The following IQCB1 variants were observed in gnomAD, a reference collection of about 807,000 sequenced individuals.
The protein encoded by IQCB1 is IQ motif containing B1, also known as IQ calmodulin-binding motif-containing protein 1.
Under a neutral mutation model 84.4 loss-of-function variants are expected in IQCB1, and 56 were observed. That is an observed-to-expected ratio of 0.66 (90% confidence interval 0.54 to 0.83). The LOEUF (loss-of-function observed/expected upper bound fraction) is 0.83, where lower values mean the gene tolerates loss of function less well. Ranked by LOEUF, IQCB1 falls within the 40% of genes least tolerant of loss-of-function variation. The probability of loss-of-function intolerance (pLI) is 0.00; values close to 1 mark genes in which losing one functional copy is unlikely to be tolerated. For missense variants in IQCB1, 629 were observed against 682.1 expected (o/e 0.92, Z 0.87); for synonymous variants, 210 against 234.8 (o/e 0.89, Z 0.96).
chr3:121,799,056 C>A, intron 8 of IQCB1, 140 bp downstream of exon 8: 2 of 581,032 alleles, frequency 3.4e-6, no homozygotes, highest in Non-Finnish European at 3.1e-6. Context: ...TTTTTTTTTT[C>A]TGAATTGGTA....
chr3:121,790,784 CA>C (rs544862103), intron 10 of IQCB1, among the ~76,000 whole-genome samples: 117 of 83,930 alleles, frequency 1.4e-3, no homozygotes, highest in South Asian at 2.0e-3. Context: ...TTTACTTACA[CA>C]AAAAAAAAAT....
At chr3:121,778,627 C>T (rs759267668) in intron 13 of IQCB1, among the ~76,000 whole-genome samples, 6 of 151,476 alleles carry the variant, frequency 4.0e-5, no homozygotes, top group African/African-American at 7.3e-5. Context: ...TATCTTTCGC[C>T]GGGGGTGGTG....
chr3:121,796,844 T>C (rs901191549), intron 9 of IQCB1, among the ~76,000 whole-genome samples: 1 of 152,086 alleles, frequency 6.6e-6, no homozygotes, highest in African/African-American at 2.4e-5. Context: ...GATACAATTT[T>C]GTAACATTAT....
At chr3:121,829,323 A>G (rs1208327029) in intron 2 of IQCB1, among the ~76,000 whole-genome samples, 1 of 152,248 alleles carries the variant, frequency 6.6e-6, no homozygotes, top group Non-Finnish European at 1.5e-5. Context: ...AAGAACTGCA[A>G]AAAAGAGCTA....
At position 121,807,292 on chromosome 3, in the gene IQCB1, G is replaced by A. The variant is rs149346382; in HGVS notation, c.587+52C>T. On this transcript the variant is annotated intron_variant, in intron 7 of 14. Coordinates refer to ENST00000310864, the MANE Select transcript of IQCB1 (RefSeq NM_001023570.4). ...TTTTAGCAAAATTGGAATAAAATTG[G>A]TAATGCTTCTGATAAAAAAAAAGCA... 1.3e-5 allele frequency: 11 copies of A among 853,878 alleles called. No homozygotes were observed. The East Asian group carries it at 1.5e-4, about 12-fold the overall frequency. The allele number at this position is 853,878 out of a possible 1,614,324, so 52.9% of individuals were successfully genotyped here. A position where few individuals can be genotyped will look rare whatever the true frequency, so the allele number is the denominator to read the frequency against.
intron 6 of IQCB1, 94 bp from the exon 7 acceptor site, chr3:121,807,537 C>A: frequency 2.9e-6 from 2 of 693,710 alleles, no homozygotes; most frequent in East Asian, 2.7e-5. Flanking sequence ...AAAGCATGAC[C>A]ATCTCTGCTA....
chr3:121,823,877 T>C (rs1443297769), intron 5 of IQCB1, among the ~76,000 whole-genome samples: 1 of 152,212 alleles, frequency 6.6e-6, no homozygotes, highest in Non-Finnish European at 1.5e-5. Context: ...TAACACATGG[T>C]AGATTTCATA....
At chr3:121,792,288 G>T (rs975609727) in intron 10 of IQCB1, among the ~76,000 whole-genome samples, 3 of 152,092 alleles carry the variant, frequency 2.0e-5, no homozygotes, top group Admixed American at 1.3e-4. Context: ...AGGCATGTAG[G>T]CTATCAAATA....
rs1311942018 is a variant in IQCB1, at chr3:121,834,965, C to T, written c.-102+1G>A. 2 of 439,064 alleles carry T rather than the reference C, an allele frequency of 4.6e-6. No homozygotes were observed. Among genetic ancestry groups the T allele is most frequent in the African/African-American group, 4.0e-5 (2 of 50,280 alleles). 27.2% of individuals were successfully genotyped at this position (439,064 alleles called of 1,614,324 possible). ...CCCAGCCACCACCTCAGATAAGTTA[C>T]CTCATCCTCGCTTCGCGTTCTTCCA... On this transcript the variant is annotated splice_donor_variant, in intron 1 of 14. Transcript: ENST00000310864. LOFTEE classifies it low-confidence loss of function (5UTR_SPLICE).
intron 14 of IQCB1, among the ~76,000 whole-genome samples, chr3:121,770,979 G>GT (rs1335411163): frequency 2.3e-4 from 34 of 150,504 alleles, no homozygotes; most frequent in Admixed American, 1.1e-3. Context: ...GCCCATTTCT[G>GT]TTTTTTTTTG....
At chr3:121,829,749 C>G (rs750215000) in intron 2 of IQCB1, among the ~76,000 whole-genome samples, 18 of 152,164 alleles carry the variant, frequency 1.2e-4, no homozygotes, top group Non-Finnish European at 1.9e-4. Flanking sequence ...TGCTTTTTCC[C>G]TTTGCTGATT....
At chr3:121,831,138 C>CCCAT (rs1428022498) in intron 2 of IQCB1, among the ~76,000 whole-genome samples, 1 of 151,476 alleles carries the variant, frequency 6.6e-6, no homozygotes. Context: ...TGTGCCCCTT[C>CCCAT]CCATACTTCA....
At chr3:121,796,913 G>T (rs371576899) in intron 9 of IQCB1, among the ~76,000 whole-genome samples, 1 of 151,992 alleles carries the variant, frequency 6.6e-6, no homozygotes, top group Non-Finnish European at 1.5e-5. Context: ...CTACTCATGG[G>T]TGTGATCATA....
intron 5 of IQCB1, among the ~76,000 whole-genome samples, chr3:121,820,927 A>T (rs1950250423): frequency 6.6e-6 from 1 of 151,678 alleles, no homozygotes; most frequent in Non-Finnish European, 1.5e-5. Context: ...TCCTCAAAAA[A>T]AAAAGCCTCT....
rs1037251108 is a variant in IQCB1, at chr3:121,770,088, C to T, written c.*257G>A. 2.6e-6 allele frequency: 1 copy of T among 381,604 alleles called. No homozygotes were observed. The highest frequency in any genetic ancestry group is 4.8e-6 in the Non-Finnish European group (1 of 207,980). The allele number at this position is 381,604 out of a possible 1,614,324, so 23.6% of individuals were successfully genotyped here. A position where few individuals can be genotyped will look rare whatever the true frequency, so the allele number is the denominator to read the frequency against. On this transcript the variant is annotated 3_prime_UTR_variant, in exon 15 of 15. Transcript: ENST00000310864. ...AGAAAAACACACTTCATGTAAACAA[C>T]AGAACACTATGCTAAGTTTAGTTCT...
At chr3:121,808,610 T>G (rs952609837) in intron 6 of IQCB1, among the ~76,000 whole-genome samples, 1 of 151,980 alleles carries the variant, frequency 6.6e-6, no homozygotes, top group Admixed American at 6.6e-5. Flanking sequence ...TCTTTTAAAC[T>G]TAAAAGTTAT....
At chr3:121,772,233 T>C (rs1948028916) in intron 14 of IQCB1, among the ~76,000 whole-genome samples, 1 of 152,188 alleles carries the variant, frequency 6.6e-6, no homozygotes, top group South Asian at 2.1e-4. Flanking sequence ...CTGTAACTAT[T>C]GTCATCATCT....
chr3:121,785,179 C>T (rs977581121), intron 12 of IQCB1, among the ~76,000 whole-genome samples: 2 of 152,078 alleles, frequency 1.3e-5, no homozygotes, highest in Non-Finnish European at 2.9e-5. Context: ...CCTTTCTTTT[C>T]CTGCCAAGGA....
chr3:121,829,125 T>C (rs572415192), intron 2 of IQCB1, among the ~76,000 whole-genome samples, 153 bp from the exon 3 acceptor site: 10 of 152,308 alleles, frequency 6.6e-5, no homozygotes, highest in South Asian at 2.1e-4. Flanking sequence ...TTCTTCCTTA[T>C]AGAAAACTGG....
Sources: gnomAD v4.1 joint callset for allele counts (sites outside exome capture counted in the v4.1 genomes callset) on GRCh38, gnomAD v4.1.1 for gene constraint, MANE v1.5 for transcripts, NCBI Gene and HGNC (gene_info 2026-07-23, HGNC 2026-07-21) for gene names.